Variants in EPCAM observed in about 807,000 individuals in gnomAD.
EPCAM encodes adenocarcinoma-associated antigen.
In EPCAM, 39 loss-of-function variants were observed where a neutral mutation model predicts 40.0. That is an observed-to-expected ratio of 0.98 (90% confidence interval 0.76 to 1.27). EPCAM has a LOEUF of 1.27. EPCAM is among the 50% of genes most tolerant of loss of function. The pLI is 0.00. For missense variants in EPCAM, 503 were observed against 381.2 expected, an observed-to-expected ratio of 1.32 and a Z score of -2.66; for synonymous variants, 168 against 132.3, an observed-to-expected ratio of 1.27 and a Z score of -1.85.
intron 7 of EPCAM, among the ~76,000 whole-genome samples, chr2:47,381,834 A>C (rs1192252327): frequency 1.3e-5 from 2 of 152,142 alleles, no homozygotes; most frequent in Non-Finnish European, 2.9e-5. Flanking sequence ...TAGCATGATC[A>C]TAACTCACTG....
At chr2:47,382,125 G>T (rs953387267) in intron 7 of EPCAM, among the ~76,000 whole-genome samples, 16 of 151,826 alleles carry the variant, frequency 1.1e-4, no homozygotes, top group African/African-American at 3.4e-4. Context: ...CAAAGAAACT[G>T]TAAAGTAAAA....
intron 4 of EPCAM, among the ~76,000 whole-genome samples, 173 bp from the exon 5 acceptor site, chr2:47,376,841 C>G (rs1311421880): frequency 6.6e-6 from 1 of 152,164 alleles, no homozygotes; most frequent in Non-Finnish European, 1.5e-5. Flanking sequence ...GTTTGAATAT[C>G]AATGGATGAT....
chr2:47,373,205 TAAAAAA>T (rs777057814), intron 1 of EPCAM, among the ~76,000 whole-genome samples: 31 of 65,056 alleles, frequency 4.8e-4, no homozygotes, highest in African/African-American at 1.4e-3. Context: ...ACCCTATCTT[TAAAAAA>T]AAAAAAAAAA....
At chr2:47,380,007 A>G (rs2103759680) in intron 7 of EPCAM, 38 bp downstream of exon 7, 3 of 1,572,820 alleles carry the variant, frequency 1.9e-6, no homozygotes, top group Non-Finnish European at 2.6e-6. Context: ...TTAAGGGTAT[A>G]TTTTTTCAAG....
chr2:47,378,465 G>T (rs766230621), intron 5 of EPCAM, among the ~76,000 whole-genome samples: 1 of 151,678 alleles, frequency 6.6e-6, no homozygotes, highest in Non-Finnish European at 1.5e-5. Context: ...ACCACGCCTG[G>T]CTAATTTTGT....
chr2:47,384,144 C>T (rs1316629972), intron 7 of EPCAM, among the ~76,000 whole-genome samples: 1 of 152,018 alleles, frequency 6.6e-6, no homozygotes, highest in African/African-American at 2.4e-5. Flanking sequence ...TTCTGTTGCC[C>T]AGGCTGGAGT....
chr2:47,369,622 G>T (rs1005172606), intron 1 of EPCAM, 41 bp downstream of exon 1: 57 of 1,552,484 alleles, frequency 3.7e-5, no homozygotes, highest in Non-Finnish European at 4.7e-5. Context: ...GCTGGGCTGG[G>T]CTGGGGGGCA....
chr2:47,370,550 C>G (rs1482722056), intron 1 of EPCAM, among the ~76,000 whole-genome samples: 1 of 151,228 alleles, frequency 6.6e-6, no homozygotes, highest in Non-Finnish European at 1.5e-5. Context: ...GCTGTGATTA[C>G]AGGCGTGAGC....
At chr2:47,385,587 A>T (rs551805922) in intron 8 of EPCAM, among the ~76,000 whole-genome samples, 1 of 152,294 alleles carries the variant, frequency 6.6e-6, no homozygotes, top group African/African-American at 2.4e-5. Context: ...TATGAACTTA[A>T]TTTGTCATAA....
At chr2:47,382,127 A>G (rs146994633) in intron 7 of EPCAM, among the ~76,000 whole-genome samples, 365 of 152,282 alleles carry the variant, frequency 2.4e-3, no homozygotes, top group African/African-American at 8.5e-3. Flanking sequence ...AAGAAACTGT[A>G]AAGTAAAAAA....
chr2:47,378,604 A>C (rs1671490598), intron 5 of EPCAM, among the ~76,000 whole-genome samples: 1 of 152,160 alleles, frequency 6.6e-6, no homozygotes, highest in African/African-American at 2.4e-5. Context: ...ACCCGGCCTT[A>C]CCTTTCATTT....
At position 47,386,651 on chromosome 2, in the gene EPCAM, A is replaced by T. The variant is rs1447354569; in HGVS notation, c.*38A>T. On this transcript the variant is annotated 3_prime_UTR_variant, in exon 9 of 9. Coordinates refer to ENST00000263735, the MANE Select transcript of EPCAM (RefSeq NM_002354.3). ...AAGATTATAGAAGAAGGGAAATAGC[A>T]AATGGACACAAATTACAAATGTGTG... The T allele has an allele frequency of 1.4e-6, 2 of 1,468,688 alleles. No homozygotes were observed. Among genetic ancestry groups the T allele is most frequent in the Non-Finnish European group, 1.9e-6 (2 of 1,049,090 alleles). The allele number at this position is 1,468,688 out of a possible 1,614,324, so 91.0% of individuals were successfully genotyped here.
chr2:47,378,446 C>A (rs978267232), intron 5 of EPCAM, among the ~76,000 whole-genome samples: 1 of 151,712 alleles, frequency 6.6e-6, no homozygotes, highest in Non-Finnish European at 1.5e-5. Flanking sequence ...GGATTACAGG[C>A]AATGTGTCAC....
In EPCAM at chr2:47,382,119, G is replaced by A. The variant is rs1265625561; in HGVS notation, c.858+2150G>A. 3.3e-5 allele frequency among the ~76,000 whole-genome samples: 5 copies of A among 151,902 alleles called. No homozygotes were observed. The South Asian group carries it at 8.3e-4, about 25-fold the overall frequency. On this transcript the variant is annotated intron_variant, in intron 7 of 8. Transcript: ENST00000263735. ...AAAATTAAGCATTTTATATGGCAAA[G>A]AAACTGTAAAGTAAAAAATAACGAT...
At chr2:47,385,114 A>C in intron 7 of EPCAM, 52 bp from the exon 8 acceptor site, 1 of 1,370,548 alleles carries the variant, frequency 7.3e-7, no homozygotes, top group Admixed American at 1.7e-5. Context: ...TGTTTAGATA[A>C]TCTTTTTTTG....
At chr2:47,384,421 A>G (rs927145757) in intron 7 of EPCAM, among the ~76,000 whole-genome samples, 2 of 146,600 alleles carry the variant, frequency 1.4e-5, no homozygotes, top group Non-Finnish European at 3.0e-5. Context: ...TTTTATTTTA[A>G]TTTTTTTTTA....
chr2:47,370,665 C>T (rs1485139801), intron 1 of EPCAM, among the ~76,000 whole-genome samples: 4 of 152,106 alleles, frequency 2.6e-5, no homozygotes, highest in African/African-American at 4.8e-5. Flanking sequence ...CTACGCCTCC[C>T]GGCCTCAGAC....
rs1671575390 is a variant in EPCAM at position 47,381,072 on chromosome 2, C to G, written c.858+1103C>G. Among the ~76,000 whole-genome samples the G allele has an allele frequency of 3.9e-5, 4 of 102,436 alleles. No homozygotes were observed. In the South Asian group the frequency reaches 1.3e-3, roughly 34 times the overall value. 67.2% of individuals were successfully genotyped at this position (102,436 alleles called of 152,430 possible). On this transcript the variant is annotated intron_variant, in intron 7 of 8. Transcript: ENST00000263735. Reference sequence around the variant, plus strand: ...CTGCACTCTAATCTGGGTGACAGAGCAAGACTCTGTCTCAAAAAAAAAAAA... The same window carrying G: ...CTGCACTCTAATCTGGGTGACAGAGGAAGACTCTGTCTCAAAAAAAAAAAA...
chr2:47,380,007 A>AT (rs1488351389), intron 7 of EPCAM, 38 bp downstream of exon 7: 11 of 1,572,702 alleles, frequency 7.0e-6, no homozygotes, highest in African/African-American at 5.5e-5. Context: ...TTAAGGGTAT[A>AT]TTTTTTCAAG....
Sources: allele counts gnomAD v4.1 joint callset (sites outside exome capture counted in the v4.1 genomes callset), GRCh38; gene constraint gnomAD v4.1.1; transcripts MANE v1.5; gene names NCBI Gene and HGNC (gene_info 2026-07-23, HGNC 2026-07-21).